The following NT5DC1 variants were observed in gnomAD, a reference collection of about 807,000 sequenced individuals.
NT5DC1 encodes the protein 5'-nucleotidase domain containing 1.
NT5DC1 carries 42 observed loss-of-function variants against 59.4 expected under a neutral mutation model. The observed-to-expected ratio is 0.71, with a 90% CI of 0.55 to 0.92. The LOEUF is 0.92. Among genes scored for constraint, NT5DC1 ranks in the 40% least tolerant of loss-of-function variants. The probability of loss-of-function intolerance (pLI) is 0.00; values close to 1 mark genes in which losing one functional copy is unlikely to be tolerated. For missense variants in NT5DC1, 501 were observed against 537.1 expected, an observed-to-expected ratio of 0.93 and a Z score of 0.66; for synonymous variants, 172 against 188.1, an observed-to-expected ratio of 0.91 and a Z score of 0.70.
At chr6:116,228,721 T>C (rs1781954783) in intron 8 of NT5DC1, among the ~76,000 whole-genome samples, 1 of 152,212 alleles carries the variant, frequency 6.6e-6, no homozygotes, top group Admixed American at 6.5e-5. Context: ...ATACTGCACA[T>C]ACTTTAAAAT....
At position 116,221,121 on chromosome 6, in the gene NT5DC1, A is replaced by G. The variant is rs1450964356; in HGVS notation, c.597A>G (p.Glu199=). ...GCAGATATTTACATAGTTGTCCTGAATCTGTGAAAAAATGGCTTCGACAGC... is the reference window on the plus strand; with the variant it reads ...GCAGATATTTACATAGTTGTCCTGAGTCTGTGAAAAAATGGCTTCGACAGC... The part of the protein sequence containing the change: ...DPGRYLHSCP[E]SVKKWLRQLK... Residue 199 remains glutamate, a synonymous_variant, in exon 7 of 12, where the codon GAA becomes GAG. Coordinates refer to ENST00000319550, the MANE Select transcript of NT5DC1 (RefSeq NM_152729.3). 2.5e-6 allele frequency: 4 copies of G among 1,578,088 alleles called. No individual in the cohort carries two copies. Among genetic ancestry groups the G allele is most frequent in the Non-Finnish European group, 3.5e-6 (4 of 1,148,176 alleles).
At position 116,120,743 on chromosome 6, in the gene NT5DC1, C is replaced by T; in HGVS notation, c.529+2798C>T. ...TTTAGACCCAGGGAATCCTGGAATG[C>T]CTGGTGGCCCAATAGGGCCTCTAGT... is the stretch of plus-strand genomic sequence containing the variant. On this transcript the variant is annotated intron_variant, in intron 6 of 11. Transcript: ENST00000319550. The T allele has an allele frequency of 6.3e-7, 1 of 1,596,180 alleles. No homozygotes were observed. Among genetic ancestry groups the T allele is most frequent in the Non-Finnish European group, 8.5e-7 (1 of 1,173,024 alleles).
At chr6:116,220,696 T>C (rs1368467562) in intron 6 of NT5DC1, among the ~76,000 whole-genome samples, 1 of 152,244 alleles carries the variant, frequency 6.6e-6, no homozygotes, top group East Asian at 1.9e-4. Context: ...CAAATATTCA[T>C]TGAATAATTA....
rs533687191 is a variant in NT5DC1 at position 116,122,901 on chromosome 6, A to G, written c.529+4956A>G. 3.1e-3 allele frequency among the ~76,000 whole-genome samples: 469 copies of G among 152,352 alleles called. 1 individual carries two copies. Among genetic ancestry groups the G allele is most frequent in the Non-Finnish European group, 5.0e-3 (342 of 68,030 alleles). On this transcript the variant is annotated intron_variant, in intron 6 of 11. Coordinates refer to ENST00000319550, the MANE Select transcript of NT5DC1 (RefSeq NM_152729.3). ...CATAGAGCTTTCCCCATGGATTTTC[A>G]GAAAATGACATCAGGAAAAAGACTG...
At chr6:116,183,866 C>T (rs1780936555) in intron 6 of NT5DC1, among the ~76,000 whole-genome samples, 1 of 152,004 alleles carries the variant, frequency 6.6e-6, no homozygotes, top group Non-Finnish European at 1.5e-5. Context: ...TTGACTTCCT[C>T]TTTGCCAATT....
intron 6 of NT5DC1, among the ~76,000 whole-genome samples, chr6:116,171,776 G>A (rs1330597405): frequency 6.6e-6 from 1 of 152,138 alleles, no homozygotes; most frequent in Non-Finnish European, 1.5e-5. Flanking sequence ...TGAGCAATTG[G>A]GGTACAGAGA....
intron 6 of NT5DC1, chr6:116,125,451 G>A (rs1779270124): frequency 6.2e-7 from 1 of 1,613,770 alleles, no homozygotes; most frequent in Admixed American, 1.7e-5. Flanking sequence ...CATGAACCAA[G>A]TTCAAGGATA....
Position 116,110,932 on chromosome 6 carries a change from G to T in NT5DC1, c.340G>T (p.Asp114Tyr), listed in dbSNP as rs781248491. The stretch of plus-strand genomic sequence containing the variant: ...GAAAGAGTGGAAGCACTTCTTGTCG[G>T]ACACTGGAATGGCTTGCCGCTCAGG... ...GKKEWKHFLS[D>Y]TGMACRSGKY... Residue 114 changes from aspartate (D) to tyrosine (Y), a missense_variant, in exon 4 of 12, where the codon GAC (aspartate) becomes TAC (tyrosine). Coordinates refer to ENST00000319550, the MANE Select transcript of NT5DC1 (RefSeq NM_152729.3). 3 of 1,613,230 alleles carry T rather than the reference G, an allele frequency of 1.9e-6. No homozygotes were observed. The Admixed American group carries it at 5.0e-5, about 27-fold the overall frequency.
At chr6:116,112,324 GT>G (rs1384411151) in intron 4 of NT5DC1, among the ~76,000 whole-genome samples, 1 of 152,040 alleles carries the variant, frequency 6.6e-6, no homozygotes, top group Admixed American at 6.6e-5. Context: ...AATAATATGA[GT>G]TTTTTTAAAT....
intron 6 of NT5DC1, among the ~76,000 whole-genome samples, chr6:116,190,568 T>C (rs1290744165): frequency 6.6e-6 from 1 of 151,906 alleles, no homozygotes; most frequent in Non-Finnish European, 1.5e-5. Flanking sequence ...TAAAATTAAA[T>C]TGAGAGGGAA....
chr6:116,124,411 G>C (rs1291970637), intron 6 of NT5DC1, among the ~76,000 whole-genome samples: 1 of 152,110 alleles, frequency 6.6e-6, no homozygotes, highest in Non-Finnish European at 1.5e-5. Flanking sequence ...CCTAGAAGTT[G>C]CCCTCCTTTG....
chr6:116,119,692 G>C (rs1309294777), intron 6 of NT5DC1: 1 of 179,836 alleles, frequency 5.6e-6, no homozygotes, highest in East Asian at 1.5e-4. Context: ...TTTTAAAAAG[G>C]AAATGCCGAG....
At chr6:116,189,821 C>T (rs1195252001) in intron 6 of NT5DC1, among the ~76,000 whole-genome samples, 1 of 151,954 alleles carries the variant, frequency 6.6e-6, no homozygotes, top group Non-Finnish European at 1.5e-5. Context: ...TAATGGTAGA[C>T]AGCAGTTACT....
chr6:116,228,325 A>G (rs1177022898), intron 8 of NT5DC1, among the ~76,000 whole-genome samples: 1 of 152,216 alleles, frequency 6.6e-6, no homozygotes, highest in Admixed American at 6.5e-5. Context: ...CCTGACCAAC[A>G]TGGAGAAACC....
chr6:116,209,402 G>A (rs890782647), intron 6 of NT5DC1, among the ~76,000 whole-genome samples: 3 of 151,936 alleles, frequency 2.0e-5, no homozygotes, highest in Non-Finnish European at 4.4e-5. Context: ...GAATCCTCTG[G>A]TACTTGCCTG....
intron 6 of NT5DC1, among the ~76,000 whole-genome samples, chr6:116,167,692 C>T (rs185232024): frequency 8.7e-4 from 132 of 152,196 alleles, no homozygotes; most frequent in African/African-American, 2.9e-3. Context: ...GGCAATGTTT[C>T]GGCTCAGTGA....
chr6:116,219,978 A>C (rs1331661872), intron 6 of NT5DC1, among the ~76,000 whole-genome samples: 5 of 149,620 alleles, frequency 3.3e-5, no homozygotes, highest in East Asian at 3.9e-4. Context: ...AAAAAAAAAA[A>C]AAAAAACAAC....
At chr6:116,131,538 A>G (rs1270111206) in intron 6 of NT5DC1, among the ~76,000 whole-genome samples, 1 of 152,178 alleles carries the variant, frequency 6.6e-6, no homozygotes, top group Middle Eastern at 3.2e-3. Flanking sequence ...ATCATTGCAG[A>G]ACATTGTGTA....
chr6:116,101,265 G>A (rs1184965078), intron 1 of NT5DC1, among the ~76,000 whole-genome samples: 2 of 152,210 alleles, frequency 1.3e-5, no homozygotes, highest in African/African-American at 4.8e-5. Context: ...GGATAGGGAA[G>A]AACGAAGGAG....
Sources: allele counts gnomAD v4.1 joint callset (sites outside exome capture counted in the v4.1 genomes callset), GRCh38; gene constraint gnomAD v4.1.1; transcripts MANE v1.5; gene names NCBI Gene and HGNC (gene_info 2026-07-23, HGNC 2026-07-21).